DNM3: variants seen among roughly 807,000 people sequenced by gnomAD.
The protein encoded by DNM3 is dynamin 3, also known as dynamin-3.
In DNM3, 47 loss-of-function variants were observed where a neutral mutation model predicts 101.6. The observed-to-expected ratio is 0.46, with a 90% confidence interval of 0.37 to 0.59. DNM3 has a LOEUF of 0.59. Among genes scored for constraint, DNM3 ranks in the 20% least tolerant of loss-of-function variants. The pLI is 0.00. For synonymous variants in DNM3, 385 were observed against 387.9 expected, an observed-to-expected ratio of 0.99 and a Z score of 0.09; for missense variants, 849 against 1,085.7, an observed-to-expected ratio of 0.78 and a Z score of 3.06.
chr1:172,215,023 A>G (rs1280775704), intron 14 of DNM3, among the ~76,000 whole-genome samples: 2 of 152,140 alleles, frequency 1.3e-5, no homozygotes, highest in Non-Finnish European at 2.9e-5. Flanking sequence ...CATAAACAAT[A>G]TGCAACTATT....
At position 172,284,968 on chromosome 1, in the gene DNM3, T is replaced by G. The variant is rs543399875; in HGVS notation, c.1770-23760T>G. Reference sequence around the variant, plus strand: ...TGGGCTAGACTCAGAGGAAGGAATATTCCAGTTGAGGCTGTAAGGGTGAGT... The same window carrying G: ...TGGGCTAGACTCAGAGGAAGGAATAGTCCAGTTGAGGCTGTAAGGGTGAGT... On this transcript the variant is annotated intron_variant, in intron 15 of 20. Transcript: ENST00000627582. 5.9e-5 allele frequency among the ~76,000 whole-genome samples: 9 copies of G among 152,274 alleles called. No homozygotes were observed. In the South Asian group the frequency reaches 1.9e-3, roughly 32 times the overall value.
intron 17 of DNM3, among the ~76,000 whole-genome samples, chr1:172,347,035 G>A (rs2066973928): frequency 6.6e-6 from 1 of 152,188 alleles, no homozygotes; most frequent in African/African-American, 2.4e-5. Context: ...AAAGGGGAGT[G>A]ATGGGTGGTG....
At position 172,388,629 on chromosome 1, in the gene DNM3, C is replaced by A. The variant is rs1253922223; in HGVS notation, c.2342C>A (p.Ala781Glu). 2 of 1,614,042 alleles carry A rather than the reference C, an allele frequency of 1.2e-6. No homozygotes were observed. Among genetic ancestry groups the A allele is most frequent in the Non-Finnish European group, 1.7e-6 (2 of 1,179,896 alleles). ...QRRPTLSAPL[A>E]RPTSGRGPAP... is the part of the protein sequence containing the mutation. ...AGGCCAACACTAAGTGCTCCCCTCG[C>A]AAGGCCCACATCCGGCCGAGGACCA... The change falls in exon 20 of 21, where the codon GCA becomes GAA. Residue 781 changes from alanine (A) to glutamate (E), a missense_variant. Transcript: ENST00000627582.
At chr1:171,849,099 C>A (rs1011437371) in intron 1 of DNM3, among the ~76,000 whole-genome samples, 7 of 152,146 alleles carry the variant, frequency 4.6e-5, no homozygotes, top group Admixed American at 1.3e-4. Flanking sequence ...CTTCCAGTGG[C>A]TTGGAATTGA....
chr1:172,188,140 C>T (rs937624680), intron 14 of DNM3, among the ~76,000 whole-genome samples: 2 of 151,988 alleles, frequency 1.3e-5, no homozygotes, highest in African/African-American at 4.8e-5. Context: ...AATTTTGTTT[C>T]TTTATTTTGT....
intron 12 of DNM3, among the ~76,000 whole-genome samples, chr1:172,083,682 CT>C (rs2053320016): frequency 6.6e-6 from 1 of 152,072 alleles, no homozygotes; most frequent in Non-Finnish European, 1.5e-5. Flanking sequence ...TAAATTTCAC[CT>C]TTATAATCTT....
intron 13 of DNM3, among the ~76,000 whole-genome samples, chr1:172,118,738 C>T (rs2056097750): frequency 2.0e-5 from 3 of 152,250 alleles, no homozygotes; most frequent in Admixed American, 6.5e-5. Context: ...GTTTCCCAGC[C>T]AGCAGGCATC....
At chr1:172,191,150 T>G (rs1303302525) in intron 14 of DNM3, among the ~76,000 whole-genome samples, 2 of 152,062 alleles carry the variant, frequency 1.3e-5, no homozygotes. Flanking sequence ...ATGGTTTTAG[T>G]TCTAACATTT....
In DNM3 at chr1:171,971,607, T is replaced by C. The variant is rs373157612; in HGVS notation, c.236-16049T>C. Among the ~76,000 whole-genome samples, 17 of 152,206 alleles carry C rather than the reference T, an allele frequency of 1.1e-4. No individual in the cohort carries two copies. In the South Asian group the frequency reaches 3.5e-3, roughly 32 times the overall value. ...AACGCCACTCCCAATTGAAAGGATA[T>C]ATTACAGAATGGAAAATAATCTGAA... On this transcript the variant is annotated intron_variant, in intron 2 of 20. Coordinates refer to ENST00000627582, the MANE Select transcript of DNM3 (RefSeq NM_015569.5).
chr1:172,193,194 C>T (rs965874620), intron 14 of DNM3, among the ~76,000 whole-genome samples: 1 of 151,992 alleles, frequency 6.6e-6, no homozygotes, highest in African/African-American at 2.4e-5. Flanking sequence ...ACTGTCTGTT[C>T]ATGTCCTTGG....
At chr1:172,194,004 A>G (rs2059845383) in intron 14 of DNM3, among the ~76,000 whole-genome samples, 1 of 152,156 alleles carries the variant, frequency 6.6e-6, no homozygotes, top group African/African-American at 2.4e-5. Flanking sequence ...ATTTAGTGCT[A>G]TAAATTTCCC....
downstream of DNM3, among the ~76,000 whole-genome samples, chr1:172,413,808 T>A (rs1280772757): frequency 6.6e-6 from 1 of 152,222 alleles, no homozygotes; most frequent in African/African-American, 2.4e-5. Context: ...TACTCTTTCC[T>A]GTGGGATTTC....
At chr1:171,988,252 T>A (rs893721187) in intron 3 of DNM3, among the ~76,000 whole-genome samples, 11 of 152,132 alleles carry the variant, frequency 7.2e-5, no homozygotes, top group African/African-American at 2.4e-4. Flanking sequence ...AGATAACCAA[T>A]CCATAATGTG....
chr1:172,124,506 C>T (rs912243995), intron 13 of DNM3, among the ~76,000 whole-genome samples: 1 of 152,178 alleles, frequency 6.6e-6, no homozygotes, highest in African/African-American at 2.4e-5. Context: ...CTCCTCCTGC[C>T]TCCTGTTACA....
chr1:172,116,584 G>A (rs950916214), intron 13 of DNM3, among the ~76,000 whole-genome samples: 5 of 152,184 alleles, frequency 3.3e-5, no homozygotes, highest in Admixed American at 2.6e-4. Flanking sequence ...CCATAGCTGA[G>A]GACCCTGTAT....
At chr1:172,017,789 T>C (rs76533423) in intron 4 of DNM3, among the ~76,000 whole-genome samples, 1 of 152,326 alleles carries the variant, frequency 6.6e-6, no homozygotes, top group African/African-American at 2.4e-5. Context: ...CCATTTCTGA[T>C]AGAGGAGTGT....
chr1:172,418,335 C>CT, exon 21 of DNM3: 1 of 1,288,200 alleles, frequency 7.8e-7, no homozygotes, highest in East Asian at 5.6e-5. Flanking sequence ...CATTCATCTC[C>CT]TTTTGTTTCC....
intron 16 of DNM3, among the ~76,000 whole-genome samples, chr1:172,321,186 A>G (rs2065696821): frequency 6.6e-6 from 1 of 152,214 alleles, no homozygotes; most frequent in Admixed American, 6.5e-5. Context: ...TCTGTGTCAA[A>G]TAACAGGAGA....
chr1:172,047,350 A>G (rs529599476), intron 9 of DNM3, among the ~76,000 whole-genome samples: 2 of 152,272 alleles, frequency 1.3e-5, no homozygotes, highest in East Asian at 3.9e-4. Flanking sequence ...TCCAAGAAGG[A>G]AGGTCTCAGC....
Sources: gnomAD v4.1 joint callset for allele counts (sites outside exome capture counted in the v4.1 genomes callset) on GRCh38, gnomAD v4.1.1 for gene constraint, MANE v1.5 for transcripts, NCBI Gene and HGNC (gene_info 2026-07-23, HGNC 2026-07-21) for gene names.